Variants in POLE2 observed in about 807,000 individuals in gnomAD.
POLE2 encodes the protein DNA polymerase epsilon 2, accessory subunit.
A neutral mutation model predicts 79.4 loss-of-function variants in POLE2; 56 were observed. The observed-to-expected ratio is 0.71, with a 90% CI of 0.57 to 0.88. The LOEUF (loss-of-function observed/expected upper bound fraction) is 0.88. Among genes scored for constraint, POLE2 ranks in the 40% least tolerant of loss-of-function variants. The probability of loss-of-function intolerance (pLI) is 0.00; values close to 1 mark genes in which losing one functional copy is unlikely to be tolerated. For synonymous variants in POLE2, 212 were observed against 214.0 expected, an observed-to-expected ratio of 0.99 and a Z score of 0.08; for missense variants, 598 against 638.9, an observed-to-expected ratio of 0.94 and a Z score of 0.69.
At chr14:49,649,047 G>A (rs563977573) in intron 17 of POLE2, among the ~76,000 whole-genome samples, 2 of 150,782 alleles carry the variant, frequency 1.3e-5, no homozygotes, top group East Asian at 2.0e-4. Flanking sequence ...CTCTAGTGGA[G>A]ATAATATTTT....
At chr14:49,680,585 G>A (rs1164192378) in intron 2 of POLE2, among the ~76,000 whole-genome samples, 3 of 152,100 alleles carry the variant, frequency 2.0e-5, no homozygotes, top group African/African-American at 7.2e-5. Context: ...TATAGATAGG[G>A]AAAATACAAC....
chr14:49,680,043 C>T (rs1420332825), intron 2 of POLE2, among the ~76,000 whole-genome samples: 3 of 152,164 alleles, frequency 2.0e-5, no homozygotes, highest in Non-Finnish European at 2.9e-5. Context: ...TTTCTAAACC[C>T]TGTTTAGTTA....
At chr14:49,679,495 A>T (rs1334740053) in intron 3 of POLE2, 7 of 400,478 alleles carry the variant, frequency 1.7e-5, no homozygotes, top group Non-Finnish European at 3.1e-5. Flanking sequence ...AAAAGTTAGT[A>T]ATGAATGGTA....
At chr14:49,655,175 T>A in intron 11 of POLE2, 81 bp from the exon 12 acceptor site, 1 of 457,088 alleles carries the variant, frequency 2.2e-6, no homozygotes, top group Non-Finnish European at 3.7e-6. Context: ...GACTTTCTAA[T>A]AATAAAAATT....
intron 9 of POLE2, 96 bp from the exon 10 acceptor site, chr14:49,663,483 A>C: frequency 1.4e-6 from 1 of 698,202 alleles, no homozygotes; most frequent in Non-Finnish European, 2.3e-6. Context: ...GGCTAGTCTC[A>C]TGCCCTGTGA....
At chr14:49,661,517 A>C (rs1885098452) in intron 10 of POLE2, among the ~76,000 whole-genome samples, 1 of 152,224 alleles carries the variant, frequency 6.6e-6, no homozygotes, top group African/African-American at 2.4e-5. Flanking sequence ...TTGAGAAATT[A>C]AACTTCAGAA....
At chr14:49,664,296 C>G (rs1307605852) in intron 9 of POLE2, among the ~76,000 whole-genome samples, 1 of 150,428 alleles carries the variant, frequency 6.6e-6, no homozygotes, top group African/African-American at 2.5e-5. Flanking sequence ...TTGCAGTGAG[C>G]CGAGATCGCG....
intron 3 of POLE2, chr14:49,677,701 T>G: frequency 7.3e-7 from 1 of 1,369,736 alleles, no homozygotes; most frequent in South Asian, 1.4e-5. Flanking sequence ...TCAAGAAACG[T>G]GACAGTGTGG....
intron 1 of POLE2, among the ~76,000 whole-genome samples, chr14:49,685,711 C>T (rs1188098461): frequency 6.6e-6 from 1 of 152,008 alleles, no homozygotes; most frequent in Non-Finnish European, 1.5e-5. Context: ...CTTCACCTCC[C>T]GGGTTCAAGC....
At chr14:49,688,063 G>C in intron 1 of POLE2, 73 bp downstream of exon 1, 2 of 1,271,128 alleles carry the variant, frequency 1.6e-6, no homozygotes, top group South Asian at 2.6e-5. Flanking sequence ...GCCGCGGTGC[G>C]TCCCGCTGCC....
intron 3 of POLE2, among the ~76,000 whole-genome samples, chr14:49,678,477 A>G (rs1886468047): frequency 6.6e-6 from 1 of 152,178 alleles, no homozygotes; most frequent in African/African-American, 2.4e-5. Flanking sequence ...GAGAATGTAT[A>G]AACAGAAGAA....
chr14:49,683,999 A>G lies in POLE2; in HGVS notation c.69-306T>C, dbSNP rs531159170. On this transcript the variant is annotated intron_variant, in intron 1 of 18. Transcript: ENST00000216367. ...CATTTACATATACCTTAGATCTGAT[A>G]TATTACATTAGCCTTTTATTACTTA... Among the ~76,000 whole-genome samples, 4 of 152,294 alleles carry G rather than the reference A, an allele frequency of 2.6e-5. No homozygotes were observed. The South Asian group carries it at 8.3e-4, about 32-fold the overall frequency.
chr14:49,661,698 T>C (rs1594581060), intron 10 of POLE2, among the ~76,000 whole-genome samples: 1 of 152,194 alleles, frequency 6.6e-6, no homozygotes, highest in East Asian at 1.9e-4. Context: ...ACTAAAATAT[T>C]AGTTGTTGAA....
intron 16 of POLE2, 36 bp from the exon 17 acceptor site, chr14:49,650,477 C>A: frequency 1.5e-6 from 2 of 1,335,184 alleles, no homozygotes; most frequent in South Asian, 4.7e-5. Flanking sequence ...AACTTCAGTT[C>A]ATTTGCAAAA....
chr14:49,645,934 G>C (rs1390310087), intron 18 of POLE2, among the ~76,000 whole-genome samples: 1 of 152,190 alleles, frequency 6.6e-6, no homozygotes, highest in Non-Finnish European at 1.5e-5. Context: ...AATGGCTGCA[G>C]ACTGTTTTAT....
chr14:49,672,546 C>A (rs1305692331), intron 5 of POLE2, among the ~76,000 whole-genome samples: 1 of 150,882 alleles, frequency 6.6e-6, no homozygotes, highest in Non-Finnish European at 1.5e-5. Flanking sequence ...GTTGCCCAGG[C>A]TGGAGTGCAA....
At position 49,644,261 on chromosome 14, in the gene POLE2, AG is replaced by A. The variant is rs1883601660; in HGVS notation, c.1566-592del. Among the ~76,000 whole-genome samples the A allele has an allele frequency of 1.3e-5, 2 of 151,284 alleles. 1 individual carries two copies. Among genetic ancestry groups the A allele is most frequent in the Admixed American group, 1.3e-4 (2 of 15,224 alleles). ...CGCGGTGGCTCACGCCTATAATCCC[AG>A]CACTTTGGGAGGCAGAGGCGGGTGG... On this transcript the variant is annotated intron_variant, in intron 18 of 18. Transcript: ENST00000216367.
At chr14:49,648,927 A>G (rs1346657407) in intron 17 of POLE2, among the ~76,000 whole-genome samples, 1 of 150,616 alleles carries the variant, frequency 6.6e-6, no homozygotes, top group Non-Finnish European at 1.5e-5. Context: ...TTACAGGCCC[A>G]GCATCATGCC....
At chr14:49,648,443 G>C (rs1312419713) in intron 17 of POLE2, among the ~76,000 whole-genome samples, 1 of 152,144 alleles carries the variant, frequency 6.6e-6, no homozygotes, top group Non-Finnish European at 1.5e-5. Context: ...GCATTAACTA[G>C]GAGAATGCCC....
Sources: allele counts gnomAD v4.1 joint callset (sites outside exome capture counted in the v4.1 genomes callset), GRCh38; gene constraint gnomAD v4.1.1; transcripts MANE v1.5; gene names NCBI Gene and HGNC (gene_info 2026-07-23, HGNC 2026-07-21).